PKHD1: variants seen among roughly 807,000 people sequenced by gnomAD.
PKHD1 encodes PKHD1 ciliary IPT domain containing fibrocystin/polyductin.
A neutral mutation model predicts 412.0 loss-of-function variants in PKHD1; 291 were observed. The ratio of observed to expected loss-of-function variants is 0.71; its 90% CI spans 0.64 to 0.78. The LOEUF (loss-of-function observed/expected upper bound fraction) is 0.78. PKHD1 is among the 30% of genes least tolerant of loss of function. The pLI, the probability that PKHD1 is intolerant of heterozygous loss-of-function variation, is 0.00. For missense variants in PKHD1, 4,825 were observed against 4,950.7 expected, an observed-to-expected ratio of 0.97 and a Z score of 0.76; for synonymous variants, 1,777 against 1,821.5, an observed-to-expected ratio of 0.98 and a Z score of 0.62.
intron 65 of PKHD1, among the ~76,000 whole-genome samples, chr6:51,632,001 C>T (rs1037440267): frequency 4.8e-5 from 7 of 146,998 alleles, no homozygotes; most frequent in African/African-American, 1.3e-4. Flanking sequence ...AGTGCAATGG[C>T]GCAATCTCGG....
intron 35 of PKHD1, among the ~76,000 whole-genome samples, chr6:51,998,975 G>C (rs1022318083): frequency 6.6e-6 from 1 of 152,152 alleles, no homozygotes; most frequent in Non-Finnish European, 1.5e-5. Context: ...GCCAAGGACA[G>C]CCAGGGGACT....
chr6:52,070,467 A>G (rs368394393), intron 9 of PKHD1, 22 bp from the exon 10 acceptor site: 6 of 1,595,512 alleles, frequency 3.8e-6, no homozygotes, highest in Non-Finnish European at 5.2e-6. Context: ...AGAAACACAC[A>G]TTAACTCAGG....
At chr6:51,994,580 T>C (rs527657514) in intron 35 of PKHD1, among the ~76,000 whole-genome samples, 3 of 152,230 alleles carry the variant, frequency 2.0e-5, no homozygotes, top group Admixed American at 2.0e-4. Context: ...GTTGTTGTTG[T>C]TTGTTTTTTT....
intron 61 of PKHD1, among the ~76,000 whole-genome samples, chr6:51,654,050 T>C (rs1420602186): frequency 6.6e-6 from 1 of 152,142 alleles, no homozygotes; most frequent in South Asian, 2.1e-4. Flanking sequence ...TAATTCAAGA[T>C]ATTGGTTGCA....
In PKHD1 at chr6:51,714,168, G is replaced by A. The variant is rs964195062; in HGVS notation, c.10156+30217C>T. 4.6e-5 allele frequency among the ~76,000 whole-genome samples: 7 copies of A among 152,174 alleles called. No homozygotes were observed. The South Asian group carries it at 1.0e-3, about 23-fold the overall frequency. ...GGGCGAATCACGAGATCAGGAGTTC[G>A]AGACCAGCCTGGCCAATATAGTGAA... On this transcript the variant is annotated intron_variant, in intron 60 of 66. Transcript: ENST00000371117.
intron 61 of PKHD1, 78 bp downstream of exon 61, chr6:51,658,874 G>A (rs2150410334): frequency 1.1e-6 from 1 of 897,126 alleles, no homozygotes; most frequent in South Asian, 1.3e-5. Flanking sequence ...AGTGTAAGTA[G>A]ATTGACATTT....
At chr6:51,749,217 T>C (rs1314483933) in intron 57 of PKHD1, among the ~76,000 whole-genome samples, 1 of 152,200 alleles carries the variant, frequency 6.6e-6, no homozygotes, top group Admixed American at 6.5e-5. Flanking sequence ...GATTAAAACA[T>C]GGTAGGAGCA....
chr6:51,740,980 T>C (rs1784479748), intron 60 of PKHD1, among the ~76,000 whole-genome samples: 1 of 152,184 alleles, frequency 6.6e-6, no homozygotes, highest in South Asian at 2.1e-4. Flanking sequence ...TATACCTCCA[T>C]ACAGACATTC....
intron 60 of PKHD1, among the ~76,000 whole-genome samples, chr6:51,702,724 C>T (rs1467021820): frequency 1.3e-5 from 2 of 151,776 alleles, no homozygotes; most frequent in Admixed American, 6.6e-5. Flanking sequence ...ATGAAAGGTA[C>T]TTTAAAATAT....
At chr6:51,856,813 C>T (rs1773382838) in intron 48 of PKHD1, among the ~76,000 whole-genome samples, 1 of 152,178 alleles carries the variant, frequency 6.6e-6, no homozygotes, top group Non-Finnish European at 1.5e-5. Context: ...GAGGTGTTTT[C>T]CCCTTTCTTA....
intron 64 of PKHD1, among the ~76,000 whole-genome samples, chr6:51,636,803 G>T (rs1281354063): frequency 2.0e-5 from 3 of 152,230 alleles, no homozygotes; most frequent in Non-Finnish European, 2.9e-5. Context: ...TCAACAAGGG[G>T]TCACAGAAGT....
intron 45 of PKHD1, among the ~76,000 whole-genome samples, chr6:51,884,799 T>C (rs1777944622): frequency 6.6e-6 from 1 of 152,170 alleles, no homozygotes; most frequent in Non-Finnish European, 1.5e-5. Context: ...CCCCTGCAGG[T>C]ATAAATCACT....
At chr6:51,802,645 T>C (rs1194891981) in intron 52 of PKHD1, among the ~76,000 whole-genome samples, 1 of 151,564 alleles carries the variant, frequency 6.6e-6, no homozygotes, top group Non-Finnish European at 1.5e-5. Flanking sequence ...ATTTTGTACT[T>C]TTACCCTGAA....
intron 39 of PKHD1, among the ~76,000 whole-genome samples, chr6:51,910,955 C>T (rs1209789896): frequency 1.3e-5 from 2 of 152,068 alleles, no homozygotes; most frequent in African/African-American, 4.8e-5. Context: ...CTCCCTTTGA[C>T]CTTTCTTCCA....
chr6:51,674,843 T>TTATCATAC (rs1231251138), intron 60 of PKHD1, among the ~76,000 whole-genome samples: 3 of 152,172 alleles, frequency 2.0e-5, no homozygotes, highest in Admixed American at 2.0e-4. Flanking sequence ...TTTTAATATT[T>TTATCATAC]TATCATACTA....
chr6:51,635,573 G>A (rs992738942), intron 64 of PKHD1, among the ~76,000 whole-genome samples: 2 of 151,942 alleles, frequency 1.3e-5, no homozygotes, highest in Non-Finnish European at 2.9e-5. Context: ...CCCAGCACAC[G>A]GACAGTAGAC....
At chr6:51,801,945 A>C (rs554641149) in intron 52 of PKHD1, among the ~76,000 whole-genome samples, 1 of 152,112 alleles carries the variant, frequency 6.6e-6, no homozygotes, top group Non-Finnish European at 1.5e-5. Context: ...AAATATTTTG[A>C]ATCTATTTAA....
chr6:51,874,651 A>G (rs1159703036), intron 46 of PKHD1, among the ~76,000 whole-genome samples: 2 of 152,300 alleles, frequency 1.3e-5, no homozygotes, highest in East Asian at 3.9e-4. Context: ...ATTCCTGGCC[A>G]GGCGCAGTGG....
chr6:51,851,146 G>C (rs1205429763), intron 49 of PKHD1, among the ~76,000 whole-genome samples: 1 of 152,040 alleles, frequency 6.6e-6, no homozygotes, highest in Non-Finnish European at 1.5e-5. Context: ...TGCATCTATT[G>C]AAAAAAATCA....
Sources: gnomAD v4.1 joint callset for allele counts (sites outside exome capture counted in the v4.1 genomes callset) on GRCh38, gnomAD v4.1.1 for gene constraint, MANE v1.5 for transcripts, NCBI Gene and HGNC (gene_info 2026-07-23, HGNC 2026-07-21) for gene names.